Variants in PDE7A observed in about 807,000 individuals in gnomAD.
PDE7A encodes high affinity 3',5'-cyclic-AMP phosphodiesterase 7A.
In PDE7A, 39 loss-of-function variants were observed where a neutral mutation model predicts 64.3. The observed-to-expected ratio is 0.61, with a 90% CI of 0.47 to 0.79. The LOEUF (loss-of-function observed/expected upper bound fraction) is 0.79. PDE7A is among the 30% of genes least tolerant of loss of function. The pLI is 0.00. For synonymous variants in PDE7A, 203 were observed against 206.8 expected (o/e 0.98, Z 0.16); for missense variants, 470 against 582.8 (o/e 0.81, Z 1.99).
chr8:65,719,376 G>A lies in PDE7A; in HGVS notation c.1363C>T (p.Gln455Ter). The change falls in exon 13 of 13, where the codon CAG becomes TAG. Residue 455 changes from glutamine to a stop codon, truncating the protein, a stop_gained. Coordinates refer to ENST00000401827, the MANE Select transcript of PDE7A (RefSeq NM_001242318.3). LOFTEE classifies it high-confidence loss of function. ...GLNKASWKGL[Q>*]REQSSSEDTD... ...TCCTCACTGCTCGACTGTTCTCTCT[G>A]CAGTCCCTTCCAGCTGGCTTTATTC... 6.2e-7 allele frequency: 1 copy of A among 1,613,878 alleles called. No individual in the cohort carries two copies. The highest frequency in any genetic ancestry group is 8.5e-7 in the Non-Finnish European group (1 of 1,179,772).
intron 3 of PDE7A, among the ~76,000 whole-genome samples, chr8:65,773,149 C>T (rs950227219): frequency 2.6e-5 from 4 of 152,174 alleles, no homozygotes; most frequent in Non-Finnish European, 5.9e-5. Flanking sequence ...AGCAGGAGCA[C>T]GTGCTCATTT....
intron 3 of PDE7A, among the ~76,000 whole-genome samples, chr8:65,762,329 A>G (rs1352002772): frequency 6.6e-6 from 1 of 152,148 alleles, no homozygotes; most frequent in Non-Finnish European, 1.5e-5. Context: ...ATTTTCTTAG[A>G]AAAAAATTTT....
intron 3 of PDE7A, among the ~76,000 whole-genome samples, chr8:65,770,677 A>G (rs960576227): frequency 2.0e-5 from 3 of 152,242 alleles, no homozygotes; most frequent in Non-Finnish European, 4.4e-5. Flanking sequence ...TTGCACATAC[A>G]TTAACATTTA....
intron 1 of PDE7A, chr8:65,789,036 C>A: frequency 6.5e-7 from 1 of 1,534,218 alleles, no homozygotes; most frequent in East Asian, 2.3e-5. Flanking sequence ...TGTCCCGAGG[C>A]AAAAGAGAGG....
At chr8:65,771,709 T>C (rs1277752774) in intron 3 of PDE7A, among the ~76,000 whole-genome samples, 1 of 151,520 alleles carries the variant, frequency 6.6e-6, no homozygotes, top group East Asian at 1.9e-4. Context: ...ACCCCATCTC[T>C]ACTAAAAATA....
chr8:65,821,164 A>T (rs985210084), intron 1 of PDE7A, among the ~76,000 whole-genome samples: 6 of 152,054 alleles, frequency 3.9e-5, no homozygotes, highest in South Asian at 4.2e-4. Context: ...TTGACTTTTT[A>T]AAAAAACAAA....
chr8:65,740,907 T>C (rs1807397625), intron 5 of PDE7A, among the ~76,000 whole-genome samples: 1 of 152,182 alleles, frequency 6.6e-6, no homozygotes, highest in African/African-American at 2.4e-5. Flanking sequence ...CCCCTCCAGT[T>C]TCACCTGCTC....
chr8:65,782,592 C>G (rs1446917415), intron 2 of PDE7A, among the ~76,000 whole-genome samples, 191 bp downstream of exon 2: 1 of 152,156 alleles, frequency 6.6e-6, no homozygotes, highest in Admixed American at 6.5e-5. Context: ...TCTCAATTAC[C>G]TATAACTCTA....
intron 1 of PDE7A, among the ~76,000 whole-genome samples, chr8:65,839,224 A>T (rs191156779): frequency 0.14 from 12,583 of 87,396 alleles, 608 homozygotes; most frequent in African/African-American, 0.29. Context: ...TCTTTTTTTT[A>T]AAAAAAAAAG....
chr8:65,728,947 A>C (rs181109726), intron 7 of PDE7A, among the ~76,000 whole-genome samples: 2 of 152,340 alleles, frequency 1.3e-5, no homozygotes, highest in African/African-American at 4.8e-5. Flanking sequence ...GTAACTTTAA[A>C]AACAAATCAC....
chr8:65,741,283 A>G (rs1807420206), intron 5 of PDE7A, among the ~76,000 whole-genome samples: 1 of 152,218 alleles, frequency 6.6e-6, no homozygotes, highest in Admixed American at 6.5e-5. Context: ...ATGCAATAAA[A>G]TACACGATTC....
At chr8:65,784,685 A>G (rs1283238084) in intron 1 of PDE7A, among the ~76,000 whole-genome samples, 4 of 152,058 alleles carry the variant, frequency 2.6e-5, no homozygotes, top group Non-Finnish European at 4.4e-5. Context: ...AGTGAGTTCA[A>G]CTGATATGAC....
chr8:65,767,904 G>A (rs569372365), intron 3 of PDE7A, among the ~76,000 whole-genome samples: 6 of 152,278 alleles, frequency 3.9e-5, no homozygotes, highest in South Asian at 4.1e-4. Context: ...CCTGGGAACC[G>A]CAACCTGAAG....
chr8:65,732,861 T>G (rs1251225794), intron 7 of PDE7A, among the ~76,000 whole-genome samples: 1 of 151,184 alleles, frequency 6.6e-6, no homozygotes, highest in African/African-American at 2.4e-5. Context: ...AGTGACTCTG[T>G]TTTTTTTTCT....
At chr8:65,797,698 T>TA (rs1267057106) in intron 1 of PDE7A, among the ~76,000 whole-genome samples, 2 of 151,942 alleles carry the variant, frequency 1.3e-5, no homozygotes, top group African/African-American at 2.4e-5. Context: ...CCCAGCAGAC[T>TA]TTTTTTTAGA....
At chr8:65,760,826 T>C (rs551318924) in intron 3 of PDE7A, among the ~76,000 whole-genome samples, 6 of 152,292 alleles carry the variant, frequency 3.9e-5, no homozygotes, top group Admixed American at 3.9e-4. Flanking sequence ...CCAGGTGTTC[T>C]GTCAGCAGGT....
intron 3 of PDE7A, among the ~76,000 whole-genome samples, chr8:65,768,623 C>A (rs561002490): frequency 7.0e-4 from 107 of 152,296 alleles, no homozygotes; most frequent in South Asian, 2.3e-3. Context: ...CAGACTAATA[C>A]AAATTCTTAC....
chr8:65,734,712 G>GT, intron 7 of PDE7A, 82 bp downstream of exon 7: 1 of 774,470 alleles, frequency 1.3e-6, no homozygotes, highest in Non-Finnish European at 2.3e-6. Context: ...AGTCAAAGCA[G>GT]TAACTTCAGG....
intron 1 of PDE7A, among the ~76,000 whole-genome samples, chr8:65,793,211 A>T (rs1290670992): frequency 1.3e-5 from 2 of 152,168 alleles, no homozygotes; most frequent in Non-Finnish European, 1.5e-5. Flanking sequence ...AATTCTTCAA[A>T]CTAGTGGAAG....
Sources: gnomAD v4.1 joint callset for allele counts (sites outside exome capture counted in the v4.1 genomes callset) on GRCh38, gnomAD v4.1.1 for gene constraint, MANE v1.5 for transcripts, NCBI Gene and HGNC (gene_info 2026-07-23, HGNC 2026-07-21) for gene names.